Variants in ENPP1 observed in about 807,000 individuals in gnomAD.
The protein encoded by ENPP1 is ectonucleotide pyrophosphatase/phosphodiesterase 1, also known as ectonucleotide pyrophosphatase/phosphodiesterase family member 1.
Under a neutral mutation model 122.8 loss-of-function variants are expected in ENPP1, and 73 were observed. That is an observed-to-expected ratio of 0.59 (90% CI 0.49 to 0.72). The LOEUF is 0.72. Among genes scored for constraint, ENPP1 ranks in the 30% least tolerant of loss-of-function variants. The pLI is 0.00. For missense variants in ENPP1, 978 were observed against 1,128.1 expected (o/e 0.87, Z 1.91); for synonymous variants, 367 against 391.6 (o/e 0.94, Z 0.74).
In ENPP1 at chr6:131,890,341, C is replaced by T; in HGVS notation, c.2608C>T (p.His870Tyr). 1 of 1,612,810 alleles carries T rather than the reference C, an allele frequency of 6.2e-7. No individual in the cohort carries two copies. Among genetic ancestry groups the T allele is most frequent in the South Asian group, 1.1e-5 (1 of 91,064 alleles). The change falls in exon 25 of 25, where the codon CAT (histidine) becomes TAT (tyrosine). Residue 870 changes from histidine to tyrosine, a missense_variant and splice_region_variant. His to Tyr is a moderately conservative substitution (Grantham distance 83). Around this residue, in one of 3 missense-constraint regions of ENPP1, gnomAD observed 644 missense variants for 781.5 expected, o/e 0.82. Coordinates refer to ENST00000647893, the MANE Select transcript of ENPP1 (RefSeq NM_006208.3). ...HRTDNSESCV[H>Y]GKHDSSWVEE... Reference sequence around the variant, plus strand: ...TCTTTTATATTTCCTATTCTCCTAGCATGGGAAGCATGACTCCTCATGGGT... The same window carrying T: ...TCTTTTATATTTCCTATTCTCCTAGTATGGGAAGCATGACTCCTCATGGGT...
At chr6:131,848,856 G>A (rs1279004326) in intron 2 of ENPP1, among the ~76,000 whole-genome samples, 4 of 152,238 alleles carry the variant, frequency 2.6e-5, no homozygotes, top group East Asian at 3.9e-4. Context: ...AGGAAAGTTC[G>A]TATTTCTGAC....
intron 18 of ENPP1, chr6:131,877,866 A>AATATATATATATAT (rs35142604): frequency 7.4e-4 from 39 of 53,014 alleles, no homozygotes; most frequent in African/African-American, 1.5e-3. Context: ...AAAAAAAAAA[A>AATATATATATATAT]ATATATATAT....
At chr6:131,872,902 C>A (rs1348586943) in intron 14 of ENPP1, 21 bp from the exon 15 acceptor site, 2 of 1,612,896 alleles carry the variant, frequency 1.2e-6, no homozygotes, top group Non-Finnish European at 8.5e-7. Context: ...AATAGTTTTT[C>A]TTTGCTGTTT....
chr6:131,835,897 A>T (rs916678557), intron 1 of ENPP1, among the ~76,000 whole-genome samples: 2 of 152,162 alleles, frequency 1.3e-5, no homozygotes, highest in Non-Finnish European at 2.9e-5. Context: ...CTTGAAAATT[A>T]AAAAAATATA....
At chr6:131,861,376 T>C (rs1172597434) in intron 8 of ENPP1, among the ~76,000 whole-genome samples, 2 of 152,190 alleles carry the variant, frequency 1.3e-5, no homozygotes, top group Non-Finnish European at 2.9e-5. Context: ...ATTAGGGGAA[T>C]AGCTCCAAAA....
rs17847045 is a variant in ENPP1 at position 131,878,802 on chromosome 6, A to G, written c.1945+209A>G. ...GGAAAGGAGATATTTTGCAGTGGAT[A>G]TTGTATGTAATGTATTTAGTGGAAG... On this transcript the variant is annotated intron_variant, in intron 19 of 24. Transcript: ENST00000647893. Among the ~76,000 whole-genome samples the G allele has an allele frequency of 7.2e-4, 110 of 152,314 alleles. 1 individual carries two copies. The East Asian group carries it at 0.019, about 26-fold the overall frequency.
intron 1 of ENPP1, among the ~76,000 whole-genome samples, chr6:131,812,866 G>A (rs1781370453): frequency 6.6e-6 from 1 of 152,042 alleles, no homozygotes; most frequent in African/African-American, 2.4e-5. Flanking sequence ...TTTTGAGACA[G>A]TCTTGCTCTG....
At chr6:131,881,606 C>T (rs752228731) in intron 20 of ENPP1, among the ~76,000 whole-genome samples, 1 of 152,066 alleles carries the variant, frequency 6.6e-6, no homozygotes, top group Admixed American at 6.6e-5. Flanking sequence ...TAAAATTGAC[C>T]AGCGCGGTGG....
intron 1 of ENPP1, among the ~76,000 whole-genome samples, chr6:131,821,588 C>T (rs1269450482): frequency 1.3e-5 from 2 of 152,294 alleles, no homozygotes; most frequent in East Asian, 3.9e-4. Flanking sequence ...TCGTGTGTTG[C>T]TTATAATTTA....
intron 14 of ENPP1, among the ~76,000 whole-genome samples, chr6:131,872,622 G>T (rs1283258769): frequency 6.6e-6 from 1 of 151,970 alleles, no homozygotes; most frequent in Admixed American, 6.6e-5. Context: ...GAGTTCTGGG[G>T]CTTTTATGCA....
In ENPP1 at chr6:131,877,021, A is replaced by G; in HGVS notation, c.1753A>G (p.Asn585Asp). 3 of 1,614,144 alleles carry G rather than the reference A, an allele frequency of 1.9e-6. No individual in the cohort carries two copies. The highest frequency in any genetic ancestry group is 2.5e-6 in the Non-Finnish European group (3 of 1,179,992). ...ACTGAATTTGACACCGGCTCCTAATAACGGAACTCATGGAAGTCTTAACCA... is the reference window on the plus strand; with the variant it reads ...ACTGAATTTGACACCGGCTCCTAATGACGGAACTCATGGAAGTCTTAACCA... ...DLLNLTPAPN[N>D]GTHGSLNHLL... Residue 585 changes from asparagine (N) to aspartate (D), a missense_variant, in exon 18 of 25, where the codon AAC (asparagine) becomes GAC (aspartate). Around this residue, in one of 3 missense-constraint regions of ENPP1, gnomAD observed 644 missense variants for 781.5 expected, o/e 0.82. Transcript: ENST00000647893.
chr6:131,887,845 G>A (rs1382869057), intron 24 of ENPP1, among the ~76,000 whole-genome samples: 8 of 143,976 alleles, frequency 5.6e-5, no homozygotes, highest in Admixed American at 2.1e-4. Context: ...GATTACAGGC[G>A]TGAGCCACCG....
chr6:131,866,700 A>G (rs1470114497), intron 11 of ENPP1, among the ~76,000 whole-genome samples: 1 of 152,178 alleles, frequency 6.6e-6, no homozygotes, highest in Non-Finnish European at 1.5e-5. Context: ...TAGTAACTCC[A>G]TTGTGCCTTC....
chr6:131,827,252 C>T, intron 1 of ENPP1: 2 of 1,151,834 alleles, frequency 1.7e-6, no homozygotes, highest in East Asian at 2.3e-5. Context: ...TCTCACTGAC[C>T]TCTGATAGGA....
At position 131,891,797 on chromosome 6, in the gene ENPP1, A is replaced by G. The variant is rs930992644; in HGVS notation, c.*1286A>G. On this transcript the variant is annotated 3_prime_UTR_variant, in exon 25 of 25. Transcript: ENST00000647893. Reference sequence around the variant, plus strand: ...CCTGCAGTTTCCTGAAGCTCTGTATATGATATTTTTTTCAGCCTGCTTCTC... The same window carrying G: ...CCTGCAGTTTCCTGAAGCTCTGTATGTGATATTTTTTTCAGCCTGCTTCTC... 5.4e-4 allele frequency: 63 copies of G among 115,610 alleles called. 1 individual carries two copies. The highest frequency in any genetic ancestry group is 2.0e-3 in the African/African-American group (62 of 31,552). The allele number at this position is 115,610 out of a possible 1,614,324, so 7.2% of individuals were successfully genotyped here. A position where few individuals can be genotyped will look rare whatever the true frequency, so the allele number is the denominator to read the frequency against.
At chr6:131,866,205 C>T (rs1226757201) in intron 11 of ENPP1, among the ~76,000 whole-genome samples, 1 of 151,878 alleles carries the variant, frequency 6.6e-6, no homozygotes, top group African/African-American at 2.4e-5. Flanking sequence ...GATCTTGTGC[C>T]CCCTGTGATT....
chr6:131,812,897 T>C (rs1781370772), intron 1 of ENPP1, among the ~76,000 whole-genome samples: 1 of 152,144 alleles, frequency 6.6e-6, no homozygotes, highest in Non-Finnish European at 1.5e-5. Context: ...TAGAGTGCAA[T>C]AGCACAATCT....
At chr6:131,867,264 TGAA>T (rs754515587) in intron 11 of ENPP1, among the ~76,000 whole-genome samples, 60 of 152,298 alleles carry the variant, frequency 3.9e-4, no homozygotes, top group East Asian at 3.7e-3. Flanking sequence ...TGACAATGAA[TGAA>T]GATTAAGCTG....
intron 1 of ENPP1, among the ~76,000 whole-genome samples, chr6:131,831,645 T>C (rs947208891): frequency 2.0e-5 from 3 of 152,222 alleles, no homozygotes; most frequent in African/African-American, 7.2e-5. Flanking sequence ...GTTTTTCTCA[T>C]GATTATACTT....
Sources: gnomAD v4.1 joint callset for allele counts (sites outside exome capture counted in the v4.1 genomes callset) on GRCh38, gnomAD v4.1.1 for gene constraint, gnomAD v4.1.1 regional missense constraint, MANE v1.5 for transcripts, NCBI Gene and HGNC (gene_info 2026-07-23, HGNC 2026-07-21) for gene names.